The following WDR90 variants were observed in gnomAD, a reference collection of about 807,000 sequenced individuals.
WDR90 encodes WD repeat domain 90.
A neutral mutation model predicts 195.2 loss-of-function variants in WDR90; 238 were observed. The observed-to-expected ratio is 1.22, with a 90% CI of 1.10 to 1.36. WDR90 has a LOEUF of 1.36. WDR90 is among the 40% of genes most tolerant of loss of function. WDR90 has a pLI of 0.00. For synonymous variants in WDR90, 1,265 were observed against 1,052.4 expected (o/e 1.20, Z -3.91); for missense variants, 2,734 against 2,439.5 (o/e 1.12, Z -2.54).
chr16:655,867 C>G lies in WDR90; in HGVS notation c.1944C>G (p.Phe648Leu), dbSNP rs2037741011. 6.3e-7 allele frequency: 1 copy of G among 1,596,852 alleles called. No individual in the cohort carries two copies. Among genetic ancestry groups the G allele is most frequent in the East Asian group, 2.3e-5 (1 of 44,244 alleles). ...DGFLRLWPLDFSSVLLEAEHE... is the reference protein window; with the variant it reads ...DGFLRLWPLDLSSVLLEAEHE... ...TCTTGCGGCTCTGGCCCCTGGACTT[C>G]TCCTCGGTGCTCCTGGAGGCAGGTG... The change falls in exon 17 of 41, where the codon TTC (phenylalanine) becomes TTG (leucine). Residue 648 changes from phenylalanine to leucine, a missense_variant. Transcript: ENST00000293879.
chr16:667,330 C>G, intron 40 of WDR90, 102 bp from the exon 41 acceptor site: 4 of 1,461,484 alleles, frequency 2.7e-6, no homozygotes, highest in Non-Finnish European at 3.6e-6. Flanking sequence ...CCAGCTCCCC[C>G]GACCAGCATC....
chr16:654,793 T>C, intron 13 of WDR90: 1 of 565,188 alleles, frequency 1.8e-6, no homozygotes, highest in South Asian at 2.2e-5. Context: ...GGGGGGTTTG[T>C]ACTTCTCTGC....
chr16:656,655 A>G, intron 18 of WDR90, 77 bp from the exon 19 acceptor site: 1 of 1,572,568 alleles, frequency 6.4e-7, no homozygotes, highest in Non-Finnish European at 8.6e-7. Flanking sequence ...TGTCGGCCCC[A>G]TGGGTTTGGG....
intron 29 of WDR90, 40 bp from the exon 30 acceptor site, chr16:661,302 C>G (rs1422622281): frequency 6.4e-7 from 1 of 1,554,612 alleles, no homozygotes; most frequent in East Asian, 2.3e-5. Context: ...CTCCAGCCAG[C>G]CACGGCCTCC....
In WDR90 at chr16:655,830, C is replaced by A; in HGVS notation, c.1907C>A (p.Ser636Tyr). 1 of 1,598,238 alleles carries A rather than the reference C, an allele frequency of 6.3e-7. No individual in the cohort carries two copies. Reference sequence around the variant, plus strand: ...TCCCCGGCCATGTGTGCTGTGGGCTCTGAGGACGGCTTCTTGCGGCTCTGG... The same window carrying A: ...TCCCCGGCCATGTGTGCTGTGGGCTATGAGGACGGCTTCTTGCGGCTCTGG... ...SVSPAMCAVG[S>Y]EDGFLRLWPL... Residue 636 changes from serine to tyrosine, a missense_variant, in exon 17 of 41, where the codon TCT (serine) becomes TAT (tyrosine). Transcript: ENST00000293879.
chr16:651,583 C>A, intron 7 of WDR90, 61 bp from the exon 8 acceptor site: 1 of 1,541,296 alleles, frequency 6.5e-7, no homozygotes, highest in African/African-American at 1.4e-5. Flanking sequence ...CCAGGCGTCA[C>A]CCTCACCAGG....
intron 34 of WDR90, chr16:665,284 AGGG>A (rs1183891260): frequency 5.0e-6 from 2 of 401,120 alleles, no homozygotes; most frequent in Admixed American, 4.5e-5. Context: ...GCAGCCTGCT[AGGG>A]ACGCACGGCC....
In WDR90 at chr16:659,502, G is replaced by T. The variant is rs1348416104; in HGVS notation, c.3184+126G>T. 7.7e-6 allele frequency: 10 copies of T among 1,295,516 alleles called. No individual in the cohort carries two copies. In the Admixed American group the frequency reaches 1.5e-4, roughly 19 times the overall value. The allele number at this position is 1,295,516 out of a possible 1,614,324, so 80.3% of individuals were successfully genotyped here. On this transcript the variant is annotated intron_variant, in intron 26 of 40. Transcript: ENST00000293879. ...AGGTGCCATCGCTGCTCATCAGGTG[G>T]AACACAGTGGGGTCGGGGTGGGGGC...
At chr16:660,915 C>A in intron 28 of WDR90, 136 bp from the exon 29 acceptor site, 1 of 818,028 alleles carries the variant, frequency 1.2e-6, no homozygotes, top group Non-Finnish European at 1.7e-6. Flanking sequence ...GAGGGCGCAG[C>A]TGGGACGATG....
Position 666,212 on chromosome 16 carries a change from G to T in WDR90, c.4610-8G>T. On this transcript the variant is annotated splice_region_variant and splice_polypyrimidine_tract_variant and intron_variant, in intron 36 of 40. Coordinates refer to ENST00000293879, the MANE Select transcript of WDR90 (RefSeq NM_145294.5). ...CTGGGGGCTCACAGGGTGACGGCAT[G>T]GTCCCAGGTCAGACTGTCCTCTCTG... The T allele has an allele frequency of 3.7e-6, 6 of 1,609,604 alleles. No individual in the cohort carries two copies. Among genetic ancestry groups the T allele is most frequent in the Non-Finnish European group, 5.1e-6 (6 of 1,177,500 alleles).
rs557926290 is a variant in WDR90, at chr16:657,689, G to A, written c.2474-73G>A. 15 of 1,445,048 alleles carry A rather than the reference G, an allele frequency of 1.0e-5. No homozygotes were observed. In the African/African-American group the frequency reaches 1.6e-4, roughly 15 times the overall value. 89.5% of individuals were successfully genotyped at this position (1,445,048 alleles called of 1,614,324 possible). ...TCCCGAAAGTGGGGGCAGGGGCGGCGGCCTCCTCGGGCCCTGGCCACGCGC... is the reference window on the plus strand; with the variant it reads ...TCCCGAAAGTGGGGGCAGGGGCGGCAGCCTCCTCGGGCCCTGGCCACGCGC... On this transcript the variant is annotated intron_variant, in intron 20 of 40. Transcript: ENST00000293879.
intron 34 of WDR90, among the ~76,000 whole-genome samples, chr16:664,326 G>A (rs950490979): frequency 1.3e-5 from 2 of 152,202 alleles, no homozygotes; most frequent in Admixed American, 1.3e-4. Context: ...GGCTCACCTG[G>A]CTTCTCACCC....
Position 662,201 on chromosome 16 carries a change from T to C in WDR90, c.4034-19T>C, listed in dbSNP as rs766783880. 2.2e-4 allele frequency: 339 copies of C among 1,530,234 alleles called. No homozygotes were observed. The highest frequency in any genetic ancestry group is 2.9e-4 in the Non-Finnish European group (330 of 1,136,986). 94.8% of individuals were successfully genotyped at this position (1,530,234 alleles called of 1,614,324 possible). A position where few individuals can be genotyped will look rare whatever the true frequency, so the allele number is the denominator to read the frequency against. On this transcript the variant is annotated intron_variant, in intron 32 of 40. Coordinates refer to ENST00000293879, the MANE Select transcript of WDR90 (RefSeq NM_145294.5). ...CTGGGAAGGCAGCCGTGGCCCCTTA[T>C]GGCTCCTCCTGCCCCTAGGGCTGTT...
In WDR90 at chr16:651,998, G is replaced by A. The variant is rs751806489; in HGVS notation, c.1012G>A (p.Glu338Lys). Residue 338 changes from glutamate to lysine, a missense_variant, in exon 9 of 41, where the codon GAG (glutamate) becomes AAG (lysine). Glu to Lys is a moderately conservative substitution (Grantham distance 56). Coordinates refer to ENST00000293879, the MANE Select transcript of WDR90 (RefSeq NM_145294.5). Reference protein sequence around the residue: ...AAAGTHVLTHESAEVPVARTG... With the variant: ...AAAGTHVLTHKSAEVPVARTG... Reference sequence around the variant, plus strand: ...TGCCGGCACCCACGTGTTGACTCACGAGTCGGCTGAGGTGCCCGTGGCCCG... The same window carrying A: ...TGCCGGCACCCACGTGTTGACTCACAAGTCGGCTGAGGTGCCCGTGGCCCG... 5.6e-6 allele frequency: 9 copies of A among 1,604,702 alleles called. No homozygotes were observed. The highest frequency in any genetic ancestry group is 4.5e-5 in the East Asian group (2 of 44,522).
intron 10 of WDR90, among the ~76,000 whole-genome samples, chr16:653,090 G>C (rs1269648112): frequency 6.6e-6 from 1 of 152,212 alleles, no homozygotes; most frequent in Non-Finnish European, 1.5e-5. Flanking sequence ...ACAGGCGTCT[G>C]TGCATGTGTG....
At chr16:656,954 G>T in intron 19 of WDR90, 83 bp downstream of exon 19, 1 of 1,560,634 alleles carries the variant, frequency 6.4e-7, no homozygotes, top group Non-Finnish European at 8.7e-7. Context: ...GTGCAGGATG[G>T]CCAGTGCTGG....
Position 661,125 on chromosome 16 carries a change from G to C in WDR90, c.3466G>C (p.Gly1156Arg). The change falls in exon 29 of 41, where the codon GGC becomes CGC. Residue 1156 changes from glycine (G) to arginine (R), a missense_variant. Transcript: ENST00000293879. ...CTCTGGCGCCCAGCAGCACTGGTCCGGCCACTCTGCGGAGATCTCCACGCT... is the reference window on the plus strand; with the variant it reads ...CTCTGGCGCCCAGCAGCACTGGTCCCGCCACTCTGCGGAGATCTCCACGCT... ...LHSGAQQHWS[G>R]HSAEISTLAL... The C allele has an allele frequency of 6.4e-7, 1 of 1,563,836 alleles. No individual in the cohort carries two copies.
intron 34 of WDR90, 135 bp from the exon 35 acceptor site, chr16:665,544 T>C (rs1408601196): frequency 3.5e-6 from 5 of 1,409,132 alleles, no homozygotes; most frequent in Admixed American, 1.7e-5. Flanking sequence ...CTTTCCGCCA[T>C]GTGGAGTTGG....
intron 34 of WDR90, 40 bp downstream of exon 34, chr16:662,884 A>C (rs775554903): frequency 2.3e-5 from 35 of 1,536,050 alleles, no homozygotes; most frequent in Non-Finnish European, 2.8e-5. Flanking sequence ...GGGCAGCCGA[A>C]CCTGGTGCCC....
Sources: gnomAD v4.1 joint callset for allele counts (sites outside exome capture counted in the v4.1 genomes callset) on GRCh38, gnomAD v4.1.1 for gene constraint, MANE v1.5 for transcripts, NCBI Gene and HGNC (gene_info 2026-07-23, HGNC 2026-07-21) for gene names.